The following LNX1 variants were observed in gnomAD, a reference collection of about 807,000 sequenced individuals.
LNX1 encodes ligand of numb-protein X 1.
Under a neutral mutation model 68.4 loss-of-function variants are expected in LNX1, and 54 were observed. The ratio of observed to expected loss-of-function variants is 0.79; its 90% confidence interval spans 0.63 to 0.99. LNX1 has a LOEUF of 0.99. LNX1 is among the 50% of genes least tolerant of loss of function. The probability of loss-of-function intolerance (pLI) is 0.00; values close to 1 mark genes in which losing one functional copy is unlikely to be tolerated. For missense variants in LNX1, 906 were observed against 926.4 expected (o/e 0.98, Z 0.29); for synonymous variants, 336 against 350.0 (o/e 0.96, Z 0.45).
chr4:53,650,692 A>G (rs1280363917), intron 1 of LNX1, among the ~76,000 whole-genome samples: 1 of 152,034 alleles, frequency 6.6e-6, no homozygotes, highest in Admixed American at 6.6e-5. Context: ...TCTGCTGTGA[A>G]ACCTCTGTCC....
chr4:53,628,944 A>G (rs1474012102), intron 1 of LNX1, among the ~76,000 whole-genome samples: 1 of 152,220 alleles, frequency 6.6e-6, no homozygotes, highest in East Asian at 1.9e-4. Flanking sequence ...AAGGGCATAC[A>G]GAGCGAGATA....
Position 53,510,249 on chromosome 4 carries a change from A to G in LNX1, c.381-2022T>C, listed in dbSNP as rs557910653. On this transcript the variant is annotated intron_variant, in intron 2 of 10. Transcript: ENST00000263925. ...CCACAAGAGTCTAGTTCACCAATCT[A>G]TGCATCATGGGGATATCTTTGGTGT... Among the ~76,000 whole-genome samples, 92 of 152,368 alleles carry G rather than the reference A, an allele frequency of 6.0e-4. 1 individual carries two copies. The highest frequency in any genetic ancestry group is 2.7e-3 in the South Asian group (13 of 4,830).
At chr4:53,516,530 T>C (rs1394505445) in intron 2 of LNX1, among the ~76,000 whole-genome samples, 1 of 152,048 alleles carries the variant, frequency 6.6e-6, no homozygotes, top group Non-Finnish European at 1.5e-5. Flanking sequence ...TTAGAAGAGA[T>C]GAAATCTGAG....
At chr4:53,576,601 A>C (rs1456322257) in intron 1 of LNX1, among the ~76,000 whole-genome samples, 1 of 151,996 alleles carries the variant, frequency 6.6e-6, no homozygotes. Context: ...AGTGGGGCTA[A>C]GGGGAGGGGA....
At chr4:53,620,776 C>T (rs1733842203), upstream of LNX1, among the ~76,000 whole-genome samples, 1 of 152,046 alleles carries the variant, frequency 6.6e-6, no homozygotes, top group African/African-American at 2.4e-5. Context: ...CCTCCCAGTG[C>T]TTAGAGTCCA....
rs1156570548 is a variant in LNX1, at chr4:53,476,844, A to G, written c.1801T>C (p.Cys601Arg). 1 of 1,614,086 alleles carries G rather than the reference A, an allele frequency of 6.2e-7. No homozygotes were observed. Among genetic ancestry groups the G allele is most frequent in the African/African-American group, 1.3e-5 (1 of 74,928 alleles). ...GAGTCCAGGGCTGCTGGGCTGCTGC[A>G]GTCTTCCTGGGGCTCATACTCTTTG... The part of the protein sequence containing the change: ...EVKEYEPQED[C>R]SSPAALDSNH... The change falls in exon 9 of 11, where the codon TGC (cysteine) becomes CGC (arginine). Residue 601 changes from cysteine to arginine, a missense_variant. Cys to Arg is a radical substitution (Grantham distance 180). Coordinates refer to ENST00000263925, the MANE Select transcript of LNX1 (RefSeq NM_001126328.3).
chr4:53,472,694 AAAAAAC>A (rs1560614616), intron 9 of LNX1, among the ~76,000 whole-genome samples: 4 of 139,116 alleles, frequency 2.9e-5, no homozygotes, highest in South Asian at 2.3e-4. Flanking sequence ...ACAAAAAAAA[AAAAAAC>A]AAAAAACAAT....
chr4:53,585,449 G>A (rs1732106126), intron 1 of LNX1, among the ~76,000 whole-genome samples: 1 of 152,080 alleles, frequency 6.6e-6, no homozygotes, highest in Non-Finnish European at 1.5e-5. Flanking sequence ...TAGAATGAGG[G>A]TCCCTGCAAA....
chr4:53,473,038 A>G (rs1723340446), intron 9 of LNX1, among the ~76,000 whole-genome samples: 1 of 152,178 alleles, frequency 6.6e-6, no homozygotes, highest in South Asian at 2.1e-4. Context: ...TGACTATGAA[A>G]TACGGAAGGT....
chr4:53,563,145 G>T (rs1258303684), intron 2 of LNX1, among the ~76,000 whole-genome samples: 1 of 152,188 alleles, frequency 6.6e-6, no homozygotes, highest in Admixed American at 6.5e-5. Flanking sequence ...GGCAGAGCTT[G>T]CAGTGAGCTG....
At chr4:53,499,606 T>C (rs1467711528) in intron 4 of LNX1, among the ~76,000 whole-genome samples, 1 of 152,240 alleles carries the variant, frequency 6.6e-6, no homozygotes, top group Non-Finnish European at 1.5e-5. Context: ...GAATCATTTT[T>C]AATGGAATGA....
upstream of LNX1, among the ~76,000 whole-genome samples, chr4:53,595,954 A>G (rs1222108790): frequency 8.7e-6 from 1 of 114,726 alleles, no homozygotes; most frequent in East Asian, 2.6e-4. Flanking sequence ...TTTGACTTTA[A>G]TAAAAGTCAT....
At chr4:53,630,069 A>C (rs1482042919) in intron 1 of LNX1, among the ~76,000 whole-genome samples, 8 of 151,984 alleles carry the variant, frequency 5.3e-5, no homozygotes, top group Non-Finnish European at 7.4e-5. Context: ...TTCCCATGAA[A>C]ATAGTTTCTT....
At chr4:53,572,509 G>A (rs17083051) in intron 2 of LNX1, among the ~76,000 whole-genome samples, 2,693 of 152,204 alleles carry the variant, frequency 0.018, 69 homozygotes, top group African/African-American at 0.061. Context: ...AAAGACAAAG[G>A]CTCAGATTCA....
chr4:53,487,114 T>C (rs1724362087), intron 6 of LNX1, among the ~76,000 whole-genome samples: 2 of 151,826 alleles, frequency 1.3e-5, no homozygotes, highest in South Asian at 4.2e-4. Flanking sequence ...GGGCGTAACA[T>C]AGATTTGCAA....
rs73818511 is a variant in LNX1, at chr4:53,589,223, A to G, written c.-87+2165T>C. Among the ~76,000 whole-genome samples the G allele has an allele frequency of 4.9e-3, 744 of 152,324 alleles. 6 individuals carry two copies. The highest frequency in any genetic ancestry group is 0.017 in the African/African-American group (706 of 41,574). On this transcript the variant is annotated intron_variant, in intron 1 of 10. Transcript: ENST00000263925. ...GGGTCTGTTGCAGGATGAGAGCCTTAGAGTGGGAAAAGGAAGAAATCACAG... is the reference window on the plus strand; with the variant it reads ...GGGTCTGTTGCAGGATGAGAGCCTTGGAGTGGGAAAAGGAAGAAATCACAG...
chr4:53,495,861 G>C (rs1479423551), intron 6 of LNX1, among the ~76,000 whole-genome samples, 162 bp downstream of exon 6: 1 of 152,116 alleles, frequency 6.6e-6, no homozygotes, highest in Non-Finnish European at 1.5e-5. Context: ...GTTCTTACCT[G>C]GGCAGAAGCT....
At chr4:53,616,212 T>C (rs1258351565) in intron 2 of LNX1, among the ~76,000 whole-genome samples, 1 of 152,232 alleles carries the variant, frequency 6.6e-6, no homozygotes, top group Non-Finnish European at 1.5e-5. Context: ...TAGTTTTCTA[T>C]ATATATTGAG....
chr4:53,555,355 G>A (rs143993695), intron 2 of LNX1, among the ~76,000 whole-genome samples: 15 of 152,058 alleles, frequency 9.9e-5, no homozygotes, highest in Non-Finnish European at 2.1e-4. Context: ...CTTTCTACCC[G>A]TTTCTGCCTC....
Sources: gnomAD v4.1 joint callset for allele counts (sites outside exome capture counted in the v4.1 genomes callset) on GRCh38, gnomAD v4.1.1 for gene constraint, MANE v1.5 for transcripts, NCBI Gene and HGNC (gene_info 2026-07-23, HGNC 2026-07-21) for gene names.